Variants in ELAPOR2 observed in about 807,000 individuals in gnomAD.
The protein encoded by ELAPOR2 is endosome/lysosome-associated apoptosis and autophagy regulator family member 2.
ELAPOR2 carries 89 observed loss-of-function variants against 120.7 expected under a neutral mutation model. That is an observed-to-expected ratio of 0.74 (90% CI 0.62 to 0.88). The LOEUF (loss-of-function observed/expected upper bound fraction) is 0.88, where lower values mean the gene tolerates loss of function less well. Among genes scored for constraint, ELAPOR2 ranks in the 40% least tolerant of loss-of-function variants. ELAPOR2 has a pLI of 0.00. For missense variants in ELAPOR2, 1,134 were observed against 1,251.6 expected, an observed-to-expected ratio of 0.91 and a Z score of 1.42; for synonymous variants, 444 against 444.9, an observed-to-expected ratio of 1.00 and a Z score of 0.03.
chr7:86,953,770 T>G (rs928380795), intron 2 of ELAPOR2, among the ~76,000 whole-genome samples: 2 of 152,144 alleles, frequency 1.3e-5, no homozygotes, highest in South Asian at 4.1e-4. Flanking sequence ...ATAGGCAAAC[T>G]CCAAAGTTTT....
intron 11 of ELAPOR2, 123 bp from the exon 12 acceptor site, chr7:86,918,667 C>T (rs3898984): frequency 1.6e-6 from 1 of 636,222 alleles, no homozygotes; most frequent in Non-Finnish European, 2.8e-6. Context: ...TCTACCACTT[C>T]CCTCACCCAC....
chr7:87,047,650 C>A (rs778652950), intron 1 of ELAPOR2, among the ~76,000 whole-genome samples: 1 of 152,134 alleles, frequency 6.6e-6, no homozygotes, highest in Non-Finnish European at 1.5e-5. Context: ...GTTAAAATGA[C>A]TATCCAAAAG....
At position 86,892,972 on chromosome 7, in the gene ELAPOR2, A is replaced by C. The variant is rs772090177; in HGVS notation, c.2814T>G (p.Thr938=). The C allele has an allele frequency of 5.1e-6, 8 of 1,572,494 alleles. No individual in the cohort carries two copies. The highest frequency in any genetic ancestry group is 6.9e-6 in the Non-Finnish European group (8 of 1,166,948). The change falls in exon 20 of 22, where the codon ACT becomes ACG. Residue 938 remains threonine (T), a synonymous_variant. Transcript: ENST00000450689. ...AGGTCAGAGCCACCAGCAAAACGGC[A>C]GTAAAAGCTCCCACACCGGCTCCCA... The part of the protein sequence containing the change: ...LKVGAGVGAF[T]AVLLVALTCY...
chr7:86,900,542 A>G (rs946342480), intron 18 of ELAPOR2, among the ~76,000 whole-genome samples: 2 of 152,226 alleles, frequency 1.3e-5, no homozygotes, highest in Admixed American at 6.5e-5. Context: ...ACAACAAAAA[A>G]AAATCACGAC....
chr7:87,013,854 T>C (rs2116675876), intron 1 of ELAPOR2, among the ~76,000 whole-genome samples: 1 of 152,316 alleles, frequency 6.6e-6, no homozygotes, highest in African/African-American at 2.4e-5. Context: ...ACAAAATCAA[T>C]ACTCAGTAAT....
chr7:86,934,996 A>G (rs537349397), intron 8 of ELAPOR2, among the ~76,000 whole-genome samples: 4 of 151,654 alleles, frequency 2.6e-5, no homozygotes, highest in Non-Finnish European at 5.9e-5. Context: ...ACCATCATTC[A>G]CTTCCTTCTT....
intron 1 of ELAPOR2, among the ~76,000 whole-genome samples, chr7:87,006,264 A>C (rs1793467546): frequency 6.6e-6 from 1 of 152,094 alleles, no homozygotes; most frequent in Non-Finnish European, 1.5e-5. Flanking sequence ...AATTTAATTA[A>C]TCAATTACAG....
chr7:87,023,765 T>TA (rs1794145784), intron 1 of ELAPOR2, among the ~76,000 whole-genome samples: 1 of 152,170 alleles, frequency 6.6e-6, no homozygotes, highest in Non-Finnish European at 1.5e-5. Context: ...TAGTTCTCCT[T>TA]GAAGAGGTCC....
chr7:87,044,634 G>A lies in ELAPOR2; in HGVS notation c.189+14691C>T, dbSNP rs527494434. On this transcript the variant is annotated intron_variant, in intron 1 of 21. Coordinates refer to ENST00000450689, the MANE Select transcript of ELAPOR2 (RefSeq NM_001142749.3). ...AGATGGATTAAAGACTTAAATGTTG[G>A]ACCTAACACCATAAAAACCCTAGAA... 2.5e-3 allele frequency among the ~76,000 whole-genome samples: 378 copies of A among 151,964 alleles called. 4 individuals are homozygous for A. The highest frequency in any genetic ancestry group is 7.6e-3 in the African/African-American group (312 of 41,310).
At chr7:86,884,390 T>C (rs1799589162) in intron 21 of ELAPOR2, among the ~76,000 whole-genome samples, 1 of 152,164 alleles carries the variant, frequency 6.6e-6, no homozygotes, top group Admixed American at 6.6e-5. Flanking sequence ...AGAACTACAG[T>C]TGACCTTTGA....
At chr7:86,921,911 C>T (rs1036616196) in intron 10 of ELAPOR2, among the ~76,000 whole-genome samples, 9 of 152,050 alleles carry the variant, frequency 5.9e-5, no homozygotes, top group Admixed American at 2.6e-4. Context: ...ATGTGAGCCA[C>T]ACCTGTGAGT....
chr7:87,053,907 A>G (rs1202214985), intron 1 of ELAPOR2, among the ~76,000 whole-genome samples: 1 of 152,080 alleles, frequency 6.6e-6, no homozygotes, highest in African/African-American at 2.4e-5. Context: ...ATGGCTATTC[A>G]TTCTCACTGC....
intron 21 of ELAPOR2, among the ~76,000 whole-genome samples, chr7:86,881,159 A>C (rs1303830634): frequency 2.0e-5 from 3 of 152,128 alleles, no homozygotes; most frequent in Non-Finnish European, 4.4e-5. Context: ...AGTTTTCTTT[A>C]ATGAGGAAAG....
chr7:86,942,144 A>G, intron 4 of ELAPOR2, 40 bp from the exon 5 acceptor site: 2 of 1,177,408 alleles, frequency 1.7e-6, no homozygotes, highest in South Asian at 2.6e-5. Flanking sequence ...AGTGTCTTGA[A>G]TAACAGCTTT....
intron 1 of ELAPOR2, among the ~76,000 whole-genome samples, chr7:86,970,625 A>G (rs964307744): frequency 6.6e-6 from 1 of 152,208 alleles, no homozygotes; most frequent in African/African-American, 2.4e-5. Flanking sequence ...GGCCAAAAGC[A>G]GGAGAATACT....
At chr7:86,980,082 A>T (rs562600734) in intron 1 of ELAPOR2, among the ~76,000 whole-genome samples, 1 of 152,350 alleles carries the variant, frequency 6.6e-6, no homozygotes, top group Non-Finnish European at 1.5e-5. Context: ...AGAAGAAATT[A>T]TACAAAATTA....
intron 21 of ELAPOR2, among the ~76,000 whole-genome samples, chr7:86,884,006 T>C (rs1031021625): frequency 7.2e-5 from 11 of 152,176 alleles, no homozygotes; most frequent in African/African-American, 2.7e-4. Flanking sequence ...TATGGGTTGA[T>C]GAAAGGATGG....
chr7:86,886,785 T>C (rs2115777907), intron 21 of ELAPOR2, among the ~76,000 whole-genome samples: 1 of 152,260 alleles, frequency 6.6e-6, no homozygotes, highest in East Asian at 1.9e-4. Flanking sequence ...TATCCCCTAC[T>C]CCACGGCTCA....
In ELAPOR2 at chr7:86,877,494, A is replaced by C. The variant is rs1225277934; in HGVS notation, c.*2977T>G. ...TTAGTGTACAAAGATAAACGTGAGCAGTACACTCACTTTAAACATGGCTAA... is the reference window on the plus strand; with the variant it reads ...TTAGTGTACAAAGATAAACGTGAGCCGTACACTCACTTTAAACATGGCTAA... On this transcript the variant is annotated 3_prime_UTR_variant, in exon 22 of 22. Transcript: ENST00000450689. The C allele has an allele frequency of 6.6e-6, 1 of 152,236 alleles. No homozygotes were observed. Among genetic ancestry groups the C allele is most frequent in the Non-Finnish European group, 1.5e-5 (1 of 68,040 alleles). The allele number at this position is 152,236 out of a possible 1,614,324, so 9.4% of individuals were successfully genotyped here.
Sources: allele counts gnomAD v4.1 joint callset (sites outside exome capture counted in the v4.1 genomes callset), GRCh38; gene constraint gnomAD v4.1.1; transcripts MANE v1.5; gene names NCBI Gene and HGNC (gene_info 2026-07-23, HGNC 2026-07-21).